ABTB2: variants seen among roughly 807,000 people sequenced by gnomAD.
ABTB2 encodes the protein ankyrin repeat and BTB domain containing 2, also known as ankyrin repeat and BTB/POZ domain-containing protein 2.
ABTB2 carries 56 observed loss-of-function variants against 104.1 expected under a neutral mutation model. The ratio of observed to expected loss-of-function variants is 0.54; its 90% CI spans 0.43 to 0.67. The LOEUF (loss-of-function observed/expected upper bound fraction) is 0.67, where lower values mean the gene tolerates loss of function less well. Among genes scored for constraint, ABTB2 ranks in the 30% least tolerant of loss-of-function variants. ABTB2 has a pLI of 0.00. For synonymous variants in ABTB2, 606 were observed against 608.2 expected, an observed-to-expected ratio of 1.00 and a Z score of 0.05; for missense variants, 1,279 against 1,407.7, an observed-to-expected ratio of 0.91 and a Z score of 1.46.
chr11:34,218,718 G>A (rs922177339), intron 1 of ABTB2, among the ~76,000 whole-genome samples: 6 of 151,738 alleles, frequency 4.0e-5, no homozygotes, highest in African/African-American at 1.2e-4. Flanking sequence ...GGGTGGTGGT[G>A]CACGCCTGTA....
intron 1 of ABTB2, among the ~76,000 whole-genome samples, chr11:34,304,770 G>A (rs1441748688): frequency 1.3e-5 from 2 of 152,184 alleles, no homozygotes; most frequent in Non-Finnish European, 2.9e-5. Context: ...AGGTAAGAGT[G>A]GTGGGGCCAG....
In ABTB2 at chr11:34,357,646, C is replaced by T. The variant is rs928268580; in HGVS notation, c.-63G>A. 51 of 1,423,850 alleles carry T rather than the reference C, an allele frequency of 3.6e-5. No homozygotes were observed. Among genetic ancestry groups the T allele is most frequent in the Non-Finnish European group, 4.2e-5 (46 of 1,084,238 alleles). The allele number at this position is 1,423,850 out of a possible 1,614,324, so 88.2% of individuals were successfully genotyped here. A position where few individuals can be genotyped will look rare whatever the true frequency, so the allele number is the denominator to read the frequency against. ...CACTCACAACTCCATGCCCTCTTTCCCAAGTGGGCAGAAACAAGCTCTAGG... is the reference window on the plus strand; with the variant it reads ...CACTCACAACTCCATGCCCTCTTTCTCAAGTGGGCAGAAACAAGCTCTAGG... On this transcript the variant is annotated 5_prime_UTR_variant, in exon 1 of 17. Coordinates refer to ENST00000435224, the MANE Select transcript of ABTB2 (RefSeq NM_145804.3).
At chr11:34,162,481 C>G in intron 10 of ABTB2, 95 bp downstream of exon 10, 1 of 1,350,322 alleles carries the variant, frequency 7.4e-7, no homozygotes, top group Non-Finnish European at 1.0e-6. Context: ...CCTGCAGGCC[C>G]TGGCCCTCTC....
intron 16 of ABTB2, among the ~76,000 whole-genome samples, chr11:34,153,386 T>A (rs151083779): frequency 6.6e-6 from 1 of 151,868 alleles, no homozygotes; most frequent in African/African-American, 2.4e-5. Flanking sequence ...GGGGCGGGGG[T>A]TGTGTTGAGA....
rs1352152798 is a variant in ABTB2, at chr11:34,357,197, G to A, written c.387C>T (p.Ala129=). The A allele has an allele frequency of 2.0e-6, 3 of 1,508,032 alleles. No individual in the cohort carries two copies. Among genetic ancestry groups the A allele is most frequent in the Non-Finnish European group, 2.6e-6 (3 of 1,136,360 alleles). 93.4% of individuals were successfully genotyped at this position (1,508,032 alleles called of 1,614,324 possible). A position where few individuals can be genotyped will look rare whatever the true frequency, so the allele number is the denominator to read the frequency against. ...QFSAEAVRRL[A]GLLRRALIRV... is the part of the protein sequence containing the mutation. ...GGATCAGTGCCCTGCGGAGCAGCCCGGCCAGGCGCCTCACCGCCTCGGCGG... is the reference window on the plus strand; with the variant it reads ...GGATCAGTGCCCTGCGGAGCAGCCCAGCCAGGCGCCTCACCGCCTCGGCGG... The change falls in exon 1 of 17, where the codon GCC becomes GCT. Residue 129 remains alanine, a synonymous_variant. Coordinates refer to ENST00000435224, the MANE Select transcript of ABTB2 (RefSeq NM_145804.3).
At chr11:34,261,485 T>TA (rs1331434690) in intron 1 of ABTB2, among the ~76,000 whole-genome samples, 1 of 141,630 alleles carries the variant, frequency 7.1e-6, no homozygotes, top group African/African-American at 2.9e-5. Context: ...TTGCATTATA[T>TA]AAAAAAGTAC....
intron 1 of ABTB2, among the ~76,000 whole-genome samples, chr11:34,234,275 C>A (rs1853811297): frequency 6.6e-6 from 1 of 152,150 alleles, no homozygotes. Context: ...TTTGCAGACA[C>A]CTTACTCAAG....
In ABTB2 at chr11:34,161,978, A is replaced by G. The variant is rs147509848; in HGVS notation, c.2218+598T>C. ...GATGACAGTGACGGTGCTGTCATCC[A>G]CCAAGTGCTCACGGTGGCCACTACG... is the stretch of plus-strand genomic sequence containing the variant. On this transcript the variant is annotated intron_variant, in intron 10 of 16. Transcript: ENST00000435224. Among the ~76,000 whole-genome samples, 993 of 152,154 alleles carry G rather than the reference A, an allele frequency of 6.5e-3. 14 individuals are homozygous for G. The highest frequency in any genetic ancestry group is 0.022 in the African/African-American group (928 of 41,514).
chr11:34,299,739 C>T (rs1424431753), intron 1 of ABTB2, among the ~76,000 whole-genome samples: 1 of 152,222 alleles, frequency 6.6e-6, no homozygotes, highest in Non-Finnish European at 1.5e-5. Context: ...GGAGTTTGCT[C>T]ATCTGGGGCT....
intron 3 of ABTB2, among the ~76,000 whole-genome samples, chr11:34,182,612 A>G (rs1243049554): frequency 1.3e-5 from 2 of 151,732 alleles, no homozygotes; most frequent in Non-Finnish European, 2.9e-5. Context: ...CAACCAAGTC[A>G]TGACTAGCTC....
intron 14 of ABTB2, among the ~76,000 whole-genome samples, chr11:34,157,875 C>G (rs1030459811): frequency 6.6e-6 from 1 of 152,224 alleles, no homozygotes; most frequent in African/African-American, 2.4e-5. Context: ...CCCTTCTTAC[C>G]GCTGCAAATG....
At chr11:34,331,186 G>C (rs113992395) in intron 1 of ABTB2, among the ~76,000 whole-genome samples, 1 of 152,198 alleles carries the variant, frequency 6.6e-6, no homozygotes, top group Non-Finnish European at 1.5e-5. Context: ...CCTGATTGAA[G>C]GGACTTTGGC....
At chr11:34,315,730 G>A (rs1045543827) in intron 1 of ABTB2, among the ~76,000 whole-genome samples, 10 of 152,132 alleles carry the variant, frequency 6.6e-5, no homozygotes, top group African/African-American at 2.4e-4. Flanking sequence ...TCTGAAATGC[G>A]CAGGTCTCCT....
At position 34,174,243 on chromosome 11, in the gene ABTB2, T is replaced by C. The variant is rs1852929634; in HGVS notation, c.1245-936A>G. On this transcript the variant is annotated intron_variant, in intron 3 of 16. Transcript: ENST00000435224. The stretch of plus-strand genomic sequence containing the variant: ...TGGAGGCTGAGGCAGGAGAATGGCG[T>C]GAACCCGGGAGGCGGAGCTTGCAGT... Among the ~76,000 whole-genome samples the C allele has an allele frequency of 2.7e-5, 4 of 146,654 alleles. No homozygotes were observed. In the Admixed American group the frequency reaches 2.8e-4, roughly 10 times the overall value.
At chr11:34,307,368 C>T (rs1382380092) in intron 1 of ABTB2, among the ~76,000 whole-genome samples, 1 of 152,198 alleles carries the variant, frequency 6.6e-6, no homozygotes, top group Non-Finnish European at 1.5e-5. Context: ...ACATGTTTAT[C>T]CCTACATCTT....
At chr11:34,289,803 TAA>T (rs1854547613) in intron 1 of ABTB2, among the ~76,000 whole-genome samples, 1 of 152,108 alleles carries the variant, frequency 6.6e-6, no homozygotes, top group Admixed American at 6.5e-5. Context: ...TGGGGACAGG[TAA>T]CCAAATCCTG....
rs1855464126 is a variant in ABTB2, at chr11:34,356,337, A to G, written c.883+364T>C. Among the ~76,000 whole-genome samples the G allele has an allele frequency of 6.6e-6, 1 of 152,238 alleles. No individual in the cohort carries two copies. Among genetic ancestry groups the G allele is most frequent in the African/African-American group, 2.4e-5 (1 of 41,466 alleles). On this transcript the variant is annotated intron_variant, in intron 1 of 16. Transcript: ENST00000435224. The surrounding 1 kb of genome is among the most constrained non-coding windows in gnomAD (Gnocchi z 4.6). The stretch of plus-strand genomic sequence containing the variant: ...ATCTAACCAGCTGTTGGGGAAAGAC[A>G]GCAGCTAGAGACCTAGTCAATCACG...
At chr11:34,199,792 A>G (rs1853313397) in intron 2 of ABTB2, among the ~76,000 whole-genome samples, 1 of 152,240 alleles carries the variant, frequency 6.6e-6, no homozygotes, top group South Asian at 2.1e-4. Context: ...GGGCTCAAAG[A>G]AACAATAAAT....
intron 1 of ABTB2, among the ~76,000 whole-genome samples, chr11:34,218,011 T>C (rs1026719538): frequency 1.3e-5 from 2 of 152,222 alleles, no homozygotes; most frequent in Non-Finnish European, 2.9e-5. Context: ...AGTATGGTCA[T>C]TGTAACTTGC....
Sources: gnomAD v4.1 joint callset for allele counts (sites outside exome capture counted in the v4.1 genomes callset) on GRCh38, gnomAD v4.1.1 for gene constraint, Gnocchi (gnomAD v3.1) non-coding constraint, MANE v1.5 for transcripts, NCBI Gene and HGNC (gene_info 2026-07-23, HGNC 2026-07-21) for gene names.